The following KCTD16 variants were observed in gnomAD, a reference collection of about 807,000 sequenced individuals.
KCTD16 encodes the protein potassium channel tetramerization domain containing 16, also known as BTB/POZ domain-containing protein KCTD16.
Under a neutral mutation model 33.2 loss-of-function variants are expected in KCTD16, and 13 were observed. The ratio of observed to expected loss-of-function variants is 0.39; its 90% CI spans 0.25 to 0.62. The LOEUF (loss-of-function observed/expected upper bound fraction) is 0.62. Ranked by LOEUF, KCTD16 falls within the 20% of genes least tolerant of loss-of-function variation. The pLI is 0.50. For synonymous variants in KCTD16, 197 were observed against 195.3 expected, an observed-to-expected ratio of 1.01 and a Z score of -0.07; for missense variants, 441 against 525.1, an observed-to-expected ratio of 0.84 and a Z score of 1.57.
rs111599888 is a variant in KCTD16 at position 144,213,952 on chromosome 5, G to A, written c.832+6406G>A. Among the ~76,000 whole-genome samples, 41 of 152,230 alleles carry A rather than the reference G, an allele frequency of 2.7e-4. 1 individual carries two copies. The highest frequency in any genetic ancestry group is 9.4e-4 in the African/African-American group (39 of 41,546). On this transcript the variant is annotated intron_variant, in intron 3 of 3. Coordinates refer to ENST00000512467, the MANE Select transcript of KCTD16 (RefSeq NM_020768.4). ...CTGAGCTTACCAAGATGTGCAGTGG[G>A]CCCTGTTGACTATGAGAATCATTTT...
intron 3 of KCTD16, among the ~76,000 whole-genome samples, chr5:144,325,107 G>T (rs1752170484): frequency 6.6e-6 from 1 of 152,294 alleles, no homozygotes; most frequent in South Asian, 2.1e-4. Flanking sequence ...GACTGTCTTT[G>T]TGTGCTATCC....
At chr5:144,183,964 T>G (rs1175260528) in intron 2 of KCTD16, among the ~76,000 whole-genome samples, 1 of 152,220 alleles carries the variant, frequency 6.6e-6, no homozygotes, top group Non-Finnish European at 1.5e-5. Context: ...CCTCACCCTT[T>G]ACTTGTTTTG....
chr5:144,203,940 A>G (rs978068149), intron 2 of KCTD16, among the ~76,000 whole-genome samples: 1 of 152,244 alleles, frequency 6.6e-6, no homozygotes, highest in Non-Finnish European at 1.5e-5. Context: ...AGATGGCGAT[A>G]TAAGTGCATC....
chr5:144,183,053 A>T (rs1036607842), intron 2 of KCTD16, among the ~76,000 whole-genome samples: 10 of 152,020 alleles, frequency 6.6e-5, no homozygotes, highest in African/African-American at 1.4e-4. Context: ...CATAAAAAAA[A>T]AAAATAAAAG....
At chr5:144,462,895 G>C (rs573255451) in intron 3 of KCTD16, among the ~76,000 whole-genome samples, 1 of 152,280 alleles carries the variant, frequency 6.6e-6, no homozygotes, top group Non-Finnish European at 1.5e-5. Flanking sequence ...CCAACTTGAA[G>C]GGTGTTTTTC....
chr5:144,363,463 G>A lies in KCTD16; in HGVS notation c.833-110197G>A, dbSNP rs150606900. ...TGATTTATCTCATCACCGTCCTTCTGCTTATGGTGGCCCCATTTTAGTGAC... is the reference window on the plus strand; with the variant it reads ...TGATTTATCTCATCACCGTCCTTCTACTTATGGTGGCCCCATTTTAGTGAC... On this transcript the variant is annotated intron_variant, in intron 3 of 3. Coordinates refer to ENST00000512467, the MANE Select transcript of KCTD16 (RefSeq NM_020768.4). 8.2e-4 allele frequency among the ~76,000 whole-genome samples: 125 copies of A among 152,172 alleles called. No homozygotes were observed. The Middle Eastern group carries it at 0.01, about 12-fold the overall frequency.
intron 3 of KCTD16, among the ~76,000 whole-genome samples, chr5:144,423,094 T>C (rs546768345): frequency 4.6e-5 from 7 of 152,234 alleles, no homozygotes; most frequent in Middle Eastern, 3.4e-3. Context: ...CAGAGAGAAG[T>C]GTAAGTTCAA....
At chr5:144,293,733 C>T (rs1379434559) in intron 3 of KCTD16, among the ~76,000 whole-genome samples, 1 of 152,118 alleles carries the variant, frequency 6.6e-6, no homozygotes, top group Non-Finnish European at 1.5e-5. Flanking sequence ...GACAAAATAT[C>T]CATTTCATTT....
intron 3 of KCTD16, among the ~76,000 whole-genome samples, chr5:144,402,127 C>T (rs1480765447): frequency 2.6e-5 from 4 of 152,140 alleles, no homozygotes; most frequent in South Asian, 2.1e-4. Flanking sequence ...AAGAACAGGT[C>T]AACTTAGTGT....
intron 2 of KCTD16, among the ~76,000 whole-genome samples, chr5:144,199,045 A>T (rs1295884501): frequency 6.6e-6 from 1 of 152,204 alleles, no homozygotes; most frequent in East Asian, 1.9e-4. Context: ...CCATTTACAC[A>T]TATATAAAAC....
chr5:144,290,933 A>G (rs1008080161), intron 3 of KCTD16, among the ~76,000 whole-genome samples: 9 of 152,234 alleles, frequency 5.9e-5, no homozygotes, highest in African/African-American at 1.7e-4. Context: ...TAACTTATTT[A>G]TAACCTTCTT....
intron 3 of KCTD16, among the ~76,000 whole-genome samples, chr5:144,472,331 GT>G (rs1158407246): frequency 2.6e-5 from 4 of 152,176 alleles, no homozygotes; most frequent in Admixed American, 2.6e-4. Context: ...TGTTCAGAGG[GT>G]GGAAGTGGAG....
chr5:144,289,103 A>G (rs1755827152), intron 3 of KCTD16, among the ~76,000 whole-genome samples: 1 of 152,182 alleles, frequency 6.6e-6, no homozygotes, highest in Non-Finnish European at 1.5e-5. Context: ...TTAAAAAGGC[A>G]TTTCATTGGT....
chr5:144,271,080 T>C (rs1755279912), intron 3 of KCTD16, among the ~76,000 whole-genome samples: 1 of 152,014 alleles, frequency 6.6e-6, no homozygotes, highest in East Asian at 1.9e-4. Context: ...TGATACATTC[T>C]ACCAGATATT....
At chr5:144,393,962 T>TA (rs1752508653) in intron 3 of KCTD16, among the ~76,000 whole-genome samples, 1 of 147,596 alleles carries the variant, frequency 6.8e-6, no homozygotes, top group Admixed American at 6.7e-5. Context: ...CTTTCTTTTT[T>TA]CTTTTTTTTT....
intron 3 of KCTD16, among the ~76,000 whole-genome samples, chr5:144,220,854 TG>T (rs2126803250): frequency 6.7e-6 from 1 of 149,536 alleles, no homozygotes; most frequent in East Asian, 2.0e-4. Context: ...GGCAGGAGAA[TG>T]GCATGAACGC....
intron 3 of KCTD16, among the ~76,000 whole-genome samples, chr5:144,405,600 G>T (rs1433304727): frequency 6.6e-6 from 1 of 152,148 alleles, no homozygotes; most frequent in Non-Finnish European, 1.5e-5. Context: ...GCCTTATCCT[G>T]CTAAGGTGAG....
chr5:144,250,782 A>G (rs1437332680), intron 3 of KCTD16, among the ~76,000 whole-genome samples: 2 of 152,182 alleles, frequency 1.3e-5, no homozygotes, highest in Non-Finnish European at 1.5e-5. Flanking sequence ...GGCTAACAAT[A>G]TCTATATGTC....
At chr5:144,299,117 T>TC (rs1756153349) in intron 3 of KCTD16, among the ~76,000 whole-genome samples, 1 of 17,946 alleles carries the variant, frequency 5.6e-5, no homozygotes. Context: ...TATATATATA[T>TC]ATATATATAT....
Sources: allele counts gnomAD v4.1 joint callset (sites outside exome capture counted in the v4.1 genomes callset), GRCh38; gene constraint gnomAD v4.1.1; transcripts MANE v1.5; gene names NCBI Gene and HGNC (gene_info 2026-07-23, HGNC 2026-07-21).